KIR2DL4: variants seen among roughly 807,000 people sequenced by gnomAD.
KIR2DL4 encodes the protein killer cell immunoglobulin-like receptor 2DL4.
Under a neutral mutation model 31.0 loss-of-function variants are expected in KIR2DL4, and 41 were observed. The observed-to-expected ratio is 1.32, with a 90% confidence interval of 1.03 to 1.72. KIR2DL4 has a LOEUF of 1.72. Among genes scored for constraint, KIR2DL4 ranks in the 40% most tolerant of loss-of-function variants. KIR2DL4 has a pLI of 0.00. For synonymous variants in KIR2DL4, 164 were observed against 133.6 expected (o/e 1.23, Z -1.57); for missense variants, 438 against 353.7 (o/e 1.24, Z -1.91).
At position 54,808,689 on chromosome 19, in the gene KIR2DL4, A is replaced by G. The variant is rs770466380; in HGVS notation, c.656-144A>G. 6.4e-4 allele frequency: 483 copies of G among 752,124 alleles called. 8 individuals are homozygous for G. The highest frequency in any genetic ancestry group is 1.5e-3 in the Middle Eastern group (4 of 2,668). 46.6% of individuals were successfully genotyped at this position (752,124 alleles called of 1,614,324 possible). ...CTCAAGATAGTTGGTGTCACCTACAATGATTATGGAGAATGGGATGCCAGG... is the reference window on the plus strand; with the variant it reads ...CTCAAGATAGTTGGTGTCACCTACAGTGATTATGGAGAATGGGATGCCAGG... On this transcript the variant is annotated intron_variant, in intron 4 of 7. Transcript: ENST00000359085.
chr19:54,813,706 C>T (rs748143899), exon 7 of KIR2DL4: 1 of 1,612,020 alleles, frequency 6.2e-7, no homozygotes, highest in Non-Finnish European at 8.5e-7. Flanking sequence ...CTGTAATGAA[C>T]CAAGAGCCTG....
At chr19:54,806,770 C>G (rs187656554) in intron 4 of KIR2DL4, among the ~76,000 whole-genome samples, 1 of 150,048 alleles carries the variant, frequency 6.7e-6, no homozygotes, top group Admixed American at 6.7e-5. Context: ...CATTTTGAGA[C>G]GCCAAGGCAG....
chr19:54,804,484 A>T (rs2060374542), intron 2 of KIR2DL4, among the ~76,000 whole-genome samples: 1 of 151,080 alleles, frequency 6.6e-6, no homozygotes, highest in Non-Finnish European at 1.5e-5. Context: ...TGGTTCAGGC[A>T]TTAGCTAATA....
chr19:54,806,997 C>G (rs2060571273), intron 4 of KIR2DL4, among the ~76,000 whole-genome samples: 1 of 146,232 alleles, frequency 6.8e-6, no homozygotes, highest in African/African-American at 2.6e-5. Context: ...CCTGGTGACA[C>G]AGAGAGACTC....
rs747079301 is a variant in KIR2DL4, at chr19:54,805,980, C to T, written c.391C>T (p.Arg131Trp). 129 of 1,608,968 alleles carry T rather than the reference C, an allele frequency of 8.0e-5. 3 individuals are homozygous for T. Among genetic ancestry groups the T allele is most frequent in the Non-Finnish European group, 9.8e-5 (116 of 1,178,874 alleles). Residue 131 changes from arginine (R) to tryptophan (W), a missense_variant, in exon 4 of 8, where the codon CGG becomes TGG. Arg to Trp is a moderately radical substitution (Grantham distance 101, BLOSUM62 -3). Transcript: ENST00000359085. ...ATATGAGAAACCTTCGCTTACAGCC[C>T]GGCCGGGCCCCACGGTTCGCGCAGG... is the stretch of plus-strand genomic sequence containing the variant.
chr19:54,809,525 TG>T (rs1422312516), intron 5 of KIR2DL4, among the ~76,000 whole-genome samples: 1 of 151,236 alleles, frequency 6.6e-6, no homozygotes, highest in African/African-American at 2.4e-5. Flanking sequence ...ATCATCTCAC[TG>T]GGCTAAAATC....
exon 3 of KIR2DL4, chr19:54,805,062 G>A (rs202206959): frequency 6.9e-6 from 11 of 1,605,752 alleles, no homozygotes. Flanking sequence ...CAACCCCCTG[G>A]TGATCATGGT....
At chr19:54,808,659 G>C (rs1265817895) in intron 4 of KIR2DL4, among the ~76,000 whole-genome samples, 174 bp from the exon 5 acceptor site, 2 of 150,256 alleles carry the variant, frequency 1.3e-5, no homozygotes, top group Non-Finnish European at 2.9e-5. Flanking sequence ...CTTATACCTT[G>C]AAGTCTCAAG....
chr19:54,804,499 AT>A lies in KIR2DL4; in HGVS notation c.77-292del, dbSNP rs542783030. Among the ~76,000 whole-genome samples the A allele has an allele frequency of 8.6e-5, 13 of 151,090 alleles. No homozygotes were observed. The East Asian group carries it at 2.5e-3, about 29-fold the overall frequency. On this transcript the variant is annotated intron_variant, in intron 2 of 7. Coordinates refer to ENST00000359085, the Ensembl canonical transcript of KIR2DL4. ...TGGTTCAGGCATTAGCTAATATTCC[AT>A]TCACAAAGGTCATACCCTCCACCCC...
Position 54,807,626 on chromosome 19 carries a change from C to T in KIR2DL4, c.656-1207C>T, listed in dbSNP as rs1484359797. ...CTGATTTTTGTATTTTTAGTAGAGA[C>T]GGGGTTTCACCATGTTAGCCAGGCT... On this transcript the variant is annotated intron_variant, in intron 4 of 7. Coordinates refer to ENST00000359085, the Ensembl canonical transcript of KIR2DL4. Among the ~76,000 whole-genome samples the T allele has an allele frequency of 2.7e-5, 4 of 148,962 alleles. 1 individual carries two copies. The highest frequency in any genetic ancestry group is 5.9e-5 in the Non-Finnish European group (4 of 67,618).
intron 2 of KIR2DL4, among the ~76,000 whole-genome samples, chr19:54,804,229 C>T (rs1474217165): frequency 6.6e-6 from 1 of 150,644 alleles, no homozygotes; most frequent in African/African-American, 2.5e-5. Flanking sequence ...GTGGCCCAGG[C>T]GGGATACTGA....
At chr19:54,806,225 A>C in exon 4 of KIR2DL4, 1 of 1,610,178 alleles carries the variant, frequency 6.2e-7, no homozygotes, top group South Asian at 1.1e-5. Flanking sequence ...CGAGTGACCC[A>C]CTGCCTGTTT....
At chr19:54,808,105 G>A (rs2060634348) in intron 4 of KIR2DL4, among the ~76,000 whole-genome samples, 1 of 150,616 alleles carries the variant, frequency 6.6e-6, no homozygotes, top group Admixed American at 6.6e-5. Flanking sequence ...TCCCATCTCA[G>A]ATGCATAGTT....
chr19:54,813,987 A>G, exon 8 of KIR2DL4: 3 of 1,612,470 alleles, frequency 1.9e-6, no homozygotes, highest in Non-Finnish European at 2.5e-6. Context: ...CCAAATGCTG[A>G]GCCCAGAGCG....
exon 8 of KIR2DL4, chr19:54,814,039 A>T: frequency 6.2e-7 from 1 of 1,612,006 alleles, no homozygotes; most frequent in Non-Finnish European, 8.5e-7. Context: ...CCTTGATGGG[A>T]TCTTCTAGGG....
At chr19:54,813,370 C>T in intron 6 of KIR2DL4, 1 of 1,321,420 alleles carries the variant, frequency 7.6e-7, no homozygotes, top group Non-Finnish European at 1.0e-6. Flanking sequence ...AGAGAGAGCA[C>T]CAGACACCCT....
At chr19:54,804,155 TCAGCC>T (rs2060353237) in intron 2 of KIR2DL4, among the ~76,000 whole-genome samples, 2 of 150,402 alleles carry the variant, frequency 1.3e-5, no homozygotes, top group African/African-American at 2.5e-5. Flanking sequence ...CCTGGTATGC[TCAGCC>T]CTCTGTTTTG....
At chr19:54,812,794 T>C (rs1219598925) in intron 5 of KIR2DL4, among the ~76,000 whole-genome samples, 2 of 142,954 alleles carry the variant, frequency 1.4e-5, no homozygotes, top group South Asian at 2.3e-4. Flanking sequence ...CCCCGTCCTC[T>C]GGGGACAGCA....
intron 6 of KIR2DL4, chr19:54,813,291 C>T (rs768661105): frequency 1.4e-5 from 23 of 1,595,010 alleles, no homozygotes; most frequent in Admixed American, 1.7e-5. Flanking sequence ...GATGGGAGCA[C>T]GCAGGTGTGT....
Sources: allele counts gnomAD v4.1 joint callset (sites outside exome capture counted in the v4.1 genomes callset), GRCh38; gene constraint gnomAD v4.1.1; transcripts MANE v1.5; gene names NCBI Gene and HGNC (gene_info 2026-07-23, HGNC 2026-07-21).